The following DGKI variants were observed in gnomAD, a reference collection of about 807,000 sequenced individuals.
The protein encoded by DGKI is diacylglycerol kinase iota.
A neutral mutation model predicts 147.5 loss-of-function variants in DGKI; 55 were observed. That is an observed-to-expected ratio of 0.37 (90% confidence interval 0.30 to 0.47). The LOEUF (loss-of-function observed/expected upper bound fraction) is 0.47. Ranked by LOEUF, DGKI falls within the 20% of genes least tolerant of loss-of-function variation. The pLI is 1.00. For missense variants in DGKI, 1,007 were observed against 1,323.8 expected (o/e 0.76, Z 3.71); for synonymous variants, 469 against 477.1 (o/e 0.98, Z 0.22).
At chr7:137,709,780 T>A (rs1272653381) in intron 1 of DGKI, among the ~76,000 whole-genome samples, 3 of 151,606 alleles carry the variant, frequency 2.0e-5, no homozygotes, top group Non-Finnish European at 4.4e-5. Flanking sequence ...AAAACTGAAA[T>A]TATCATAAAT....
intron 4 of DGKI, 34 bp from the exon 5 acceptor site, chr7:137,654,822 A>G (rs1301283518): frequency 1.4e-6 from 2 of 1,407,274 alleles, no homozygotes; most frequent in Non-Finnish European, 1.0e-6. Flanking sequence ...ATTATATTAG[A>G]GATAAGCATC....
intron 1 of DGKI, among the ~76,000 whole-genome samples, chr7:137,702,642 G>A (rs1585387939): frequency 6.6e-6 from 1 of 152,100 alleles, no homozygotes; most frequent in South Asian, 2.1e-4. Context: ...TAGTAGCACT[G>A]AAAACCAACA....
chr7:137,465,326 G>A (rs746906118), intron 26 of DGKI, among the ~76,000 whole-genome samples: 40 of 152,276 alleles, frequency 2.6e-4, no homozygotes, highest in South Asian at 1.5e-3. Flanking sequence ...ATGACTTTAA[G>A]TGCTTTACCT....
At chr7:137,772,530 G>T (rs1796236357) in intron 1 of DGKI, among the ~76,000 whole-genome samples, 1 of 152,042 alleles carries the variant, frequency 6.6e-6, no homozygotes, top group Non-Finnish European at 1.5e-5. Context: ...CTTGCAGAAT[G>T]GTTTATAATG....
At chr7:137,821,427 A>T (rs1261190512) in intron 1 of DGKI, among the ~76,000 whole-genome samples, 1 of 152,126 alleles carries the variant, frequency 6.6e-6, no homozygotes, top group Non-Finnish European at 1.5e-5. Context: ...TGAAATACCT[A>T]AAAAAACTCT....
intron 1 of DGKI, among the ~76,000 whole-genome samples, chr7:137,804,273 T>C (rs1797298590): frequency 6.6e-6 from 1 of 152,198 alleles, no homozygotes; most frequent in Non-Finnish European, 1.5e-5. Context: ...CAGTTTTCTC[T>C]TCAGGAAAAT....
intron 20 of DGKI, among the ~76,000 whole-genome samples, chr7:137,527,946 AGT>A (rs1817208810): frequency 6.6e-6 from 1 of 152,242 alleles, no homozygotes. Context: ...GTGAATTCAC[AGT>A]GTGAAAGGCT....
chr7:137,648,960 A>G (rs1001908768), intron 5 of DGKI, among the ~76,000 whole-genome samples: 1 of 152,310 alleles, frequency 6.6e-6, no homozygotes, highest in African/African-American at 2.4e-5. Context: ...GGATTGATAA[A>G]CTAACTTATA....
chr7:137,713,321 A>T (rs939974862), intron 1 of DGKI, among the ~76,000 whole-genome samples: 1 of 152,176 alleles, frequency 6.6e-6, no homozygotes, highest in Non-Finnish European at 1.5e-5. Context: ...GGGATGTAAC[A>T]TTTGTGATTT....
intron 27 of DGKI, among the ~76,000 whole-genome samples, chr7:137,449,384 A>C (rs1388414609): frequency 6.6e-6 from 1 of 152,238 alleles, no homozygotes; most frequent in Non-Finnish European, 1.5e-5. Flanking sequence ...ATACATAATA[A>C]GGAAAGGACA....
chr7:137,455,646 G>GC (rs1814168313), intron 27 of DGKI, among the ~76,000 whole-genome samples: 1 of 121,068 alleles, frequency 8.3e-6, no homozygotes, highest in Non-Finnish European at 1.7e-5. Context: ...AAAAGGGGGG[G>GC]GGGCGGGGAA....
chr7:137,571,407 G>C, intron 18 of DGKI, 121 bp from the exon 19 acceptor site: 1 of 665,718 alleles, frequency 1.5e-6, no homozygotes, highest in Admixed American at 3.5e-5. Flanking sequence ...TCCATTCTTG[G>C]TACACACCTT....
At chr7:137,434,055 G>T (rs143093546) in intron 28 of DGKI, among the ~76,000 whole-genome samples, 1 of 151,368 alleles carries the variant, frequency 6.6e-6, no homozygotes, top group South Asian at 2.1e-4. Flanking sequence ...GGAGGCAGAG[G>T]TTGCAGTGAG....
At chr7:137,701,872 GA>G (rs1427838287) in intron 1 of DGKI, among the ~76,000 whole-genome samples, 1 of 151,964 alleles carries the variant, frequency 6.6e-6, no homozygotes, top group Non-Finnish European at 1.5e-5. Context: ...CGATAAAAAA[GA>G]AAAAGTTGGA....
chr7:137,671,730 G>A (rs1822848638), intron 3 of DGKI, among the ~76,000 whole-genome samples: 1 of 152,094 alleles, frequency 6.6e-6, no homozygotes, highest in Non-Finnish European at 1.5e-5. Context: ...ATATCACATG[G>A]CCTCTCTAAC....
chr7:137,423,010 T>C (rs578134014), intron 28 of DGKI, among the ~76,000 whole-genome samples: 6 of 152,336 alleles, frequency 3.9e-5, no homozygotes, highest in South Asian at 4.1e-4. Flanking sequence ...GAAACTGATG[T>C]AGCAATGCAA....
At chr7:137,696,885 T>C (rs1383821498) in intron 1 of DGKI, among the ~76,000 whole-genome samples, 1 of 152,106 alleles carries the variant, frequency 6.6e-6, no homozygotes, top group African/African-American at 2.4e-5. Context: ...CCTAACCTAA[T>C]ATGACTGTGT....
At chr7:137,715,877 A>T (rs1187384378) in intron 1 of DGKI, among the ~76,000 whole-genome samples, 6 of 152,192 alleles carry the variant, frequency 3.9e-5, no homozygotes, top group Admixed American at 3.9e-4. Flanking sequence ...GCCTGAGAAG[A>T]ACTTTACCAG....
chr7:137,689,224 T>C (rs74498774), intron 2 of DGKI, among the ~76,000 whole-genome samples: 2,968 of 152,332 alleles, frequency 0.019, 102 homozygotes, highest in African/African-American at 0.069. Flanking sequence ...CTTTTCCTCA[T>C]ATTGCTTCAG....
Sources: gnomAD v4.1 joint callset for allele counts (sites outside exome capture counted in the v4.1 genomes callset) on GRCh38, gnomAD v4.1.1 for gene constraint, MANE v1.5 for transcripts, NCBI Gene and HGNC (gene_info 2026-07-23, HGNC 2026-07-21) for gene names.